The following RIMKLB variants were observed in gnomAD, a reference collection of about 807,000 sequenced individuals.
The protein encoded by RIMKLB is ribosomal modification protein rimK like family member B.
Under a neutral mutation model 32.0 loss-of-function variants are expected in RIMKLB, and 7 were observed. The observed-to-expected ratio is 0.22, with a 90% confidence interval of 0.12 to 0.41. The LOEUF (loss-of-function observed/expected upper bound fraction) is 0.41, where lower values mean the gene tolerates loss of function less well. RIMKLB is among the 10% of genes least tolerant of loss of function. The pLI, the probability that RIMKLB is intolerant of heterozygous loss-of-function variation, is 1.00. For missense variants in RIMKLB, 289 were observed against 498.7 expected (o/e 0.58, Z 4.00); for synonymous variants, 172 against 185.1 (o/e 0.93, Z 0.57).
At chr12:8,738,159 A>C (rs1947190835) in intron 2 of RIMKLB, among the ~76,000 whole-genome samples, 1 of 152,162 alleles carries the variant, frequency 6.6e-6, no homozygotes, top group Admixed American at 6.6e-5. Flanking sequence ...TCCCAAGCCG[A>C]GCCTCTTGAG....
At chr12:8,753,782 G>A in intron 4 of RIMKLB, 108 bp from the exon 5 acceptor site, 1 of 814,596 alleles carries the variant, frequency 1.2e-6, no homozygotes, top group Non-Finnish European at 2.0e-6. Flanking sequence ...AAAAAAAAAT[G>A]TAGTTGGTTC....
At chr12:8,763,297 TAAAGA>T (rs1283657416) in intron 5 of RIMKLB, among the ~76,000 whole-genome samples, 1 of 152,204 alleles carries the variant, frequency 6.6e-6, no homozygotes, top group African/African-American at 2.4e-5. Flanking sequence ...CTGTTACATG[TAAAGA>T]AAAGTCTTGG....
chr12:8,712,692 G>A (rs1944474901), intron 1 of RIMKLB, among the ~76,000 whole-genome samples: 2 of 152,160 alleles, frequency 1.3e-5, no homozygotes, highest in African/African-American at 2.4e-5. Context: ...CTCTGATGGG[G>A]CCTCTGCCCA....
intron 2 of RIMKLB, among the ~76,000 whole-genome samples, chr12:8,744,777 C>T (rs944542775): frequency 2.6e-5 from 4 of 151,846 alleles, no homozygotes; most frequent in African/African-American, 9.7e-5. Flanking sequence ...CCTCCTGCCT[C>T]AGCCTCCCAA....
intron 1 of RIMKLB, chr12:8,699,654 C>G (rs1943212158): frequency 6.6e-6 from 1 of 152,070 alleles, no homozygotes; most frequent in South Asian, 2.1e-4. Context: ...TCTTTTCTAT[C>G]TTGGTTAGTG....
chr12:8,769,060 G>A (rs1307122084), intron 5 of RIMKLB, among the ~76,000 whole-genome samples: 1 of 151,968 alleles, frequency 6.6e-6, no homozygotes, highest in Non-Finnish European at 1.5e-5. Context: ...ATCTTCCTCT[G>A]GAGAATTTTC....
upstream of RIMKLB, among the ~76,000 whole-genome samples, chr12:8,678,030 C>A (rs1485013079): frequency 6.6e-6 from 1 of 151,592 alleles, no homozygotes; most frequent in Non-Finnish European, 1.5e-5. Flanking sequence ...AATCAGCTCA[C>A]CTTAGCCTCC....
chr12:8,767,724 G>A lies in RIMKLB; in HGVS notation c.698-5597G>A, dbSNP rs1414964074. 6.6e-5 allele frequency among the ~76,000 whole-genome samples: 10 copies of A among 152,158 alleles called. No homozygotes were observed. The East Asian group carries it at 9.6e-4, about 15-fold the overall frequency. ...CAGCTATCCCAGGAAAATTGAAAGC[G>A]GAAGCTGGTTCCAGGCAGACCAACG... On this transcript the variant is annotated intron_variant, in intron 5 of 5. Transcript: ENST00000535829.
intron 5 of RIMKLB, among the ~76,000 whole-genome samples, chr12:8,770,048 C>CT (rs566822724): frequency 2.5e-3 from 380 of 150,980 alleles, no homozygotes; most frequent in Non-Finnish European, 4.6e-3. Context: ...TCTCAGCTCA[C>CT]TGCAACCCCC....
chr12:8,728,003 A>G (rs751515953), intron 2 of RIMKLB, among the ~76,000 whole-genome samples: 1 of 152,156 alleles, frequency 6.6e-6, no homozygotes, highest in Non-Finnish European at 1.5e-5. Context: ...GTTAGGGCCA[A>G]CTTTTGGTAT....
intron 5 of RIMKLB, among the ~76,000 whole-genome samples, chr12:8,769,106 T>G (rs1163189961): frequency 6.6e-6 from 1 of 152,188 alleles, no homozygotes; most frequent in Non-Finnish European, 1.5e-5. Flanking sequence ...AGCATTTTTC[T>G]CTTTTATTTA....
intron 2 of RIMKLB, among the ~76,000 whole-genome samples, chr12:8,716,749 T>A (rs1416355040): frequency 2.9e-5 from 4 of 140,128 alleles, no homozygotes; most frequent in African/African-American, 8.3e-5. Flanking sequence ...TTTTTTTTTT[T>A]ACTTTGAGAC....
At chr12:8,675,315 A>T in the RIMKLB span, among the ~76,000 whole-genome samples, 1 of 152,144 alleles carries the variant, frequency 6.6e-6, no homozygotes, top group Non-Finnish European at 1.5e-5. Flanking sequence ...TGACATCTAT[A>T]ATATCACAGT....
chr12:8,765,920 A>G (rs765760093), intron 5 of RIMKLB, among the ~76,000 whole-genome samples: 5 of 152,144 alleles, frequency 3.3e-5, no homozygotes, highest in African/African-American at 1.2e-4. Context: ...AAAGAGGTCT[A>G]GCTGTAAGAT....
At chr12:8,739,487 C>T (rs765404312) in intron 2 of RIMKLB, among the ~76,000 whole-genome samples, 1 of 152,022 alleles carries the variant, frequency 6.6e-6, no homozygotes, top group Non-Finnish European at 1.5e-5. Flanking sequence ...AGGGCCATCT[C>T]TTTTCTTTTT....
chr12:8,749,734 C>T, intron 2 of RIMKLB, 128 bp from the exon 3 acceptor site: 1 of 641,328 alleles, frequency 1.6e-6, no homozygotes, highest in South Asian at 2.3e-5. Context: ...AGGAGTATCT[C>T]TATCCCAATT....
chr12:8,740,245 AAAT>A, intron 2 of RIMKLB, among the ~76,000 whole-genome samples: 1 of 152,310 alleles, frequency 6.6e-6, no homozygotes, highest in Middle Eastern at 3.4e-3. Context: ...TTGATACGGT[AAAT>A]AATAATACCA....
chr12:8,679,256 T>G (rs1176079099), upstream of RIMKLB: 1 of 152,386 alleles, frequency 6.6e-6, no homozygotes, highest in East Asian at 1.9e-4. Context: ...TGATCTTGGC[T>G]CACTGCAACC....
chr12:8,729,649 G>T (rs1027230937), intron 2 of RIMKLB, among the ~76,000 whole-genome samples: 9 of 152,062 alleles, frequency 5.9e-5, no homozygotes, highest in African/African-American at 2.2e-4. Context: ...TTGGCTTGAG[G>T]GTTGGGCCCT....
Sources: gnomAD v4.1 joint callset for allele counts (sites outside exome capture counted in the v4.1 genomes callset) on GRCh38, gnomAD v4.1.1 for gene constraint, MANE v1.5 for transcripts, NCBI Gene and HGNC (gene_info 2026-07-23, HGNC 2026-07-21) for gene names.